Variants in GREB1L observed in about 807,000 individuals in gnomAD.
The protein encoded by GREB1L is GREB1-like protein.
A neutral mutation model predicts 200.8 loss-of-function variants in GREB1L; 17 were observed. That is an observed-to-expected ratio of 0.08 (90% CI 0.06 to 0.13). The LOEUF is 0.13. GREB1L is among the 10% of genes least tolerant of loss of function. GREB1L has a pLI of 1.00. For synonymous variants in GREB1L, 789 were observed against 893.0 expected, an observed-to-expected ratio of 0.88 and a Z score of 2.08; for missense variants, 1,657 against 2,367.7, an observed-to-expected ratio of 0.70 and a Z score of 6.23.
chr18:21,439,734 G>C, intron 8 of GREB1L, 97 bp downstream of exon 8: 1 of 788,232 alleles, frequency 1.3e-6, no homozygotes, highest in Non-Finnish European at 2.2e-6. Flanking sequence ...ACACTCTAGA[G>C]TTTTTTCTCA....
chr18:21,357,845 C>CT (rs1250025093), intron 1 of GREB1L, among the ~76,000 whole-genome samples: 6 of 152,154 alleles, frequency 3.9e-5, no homozygotes, highest in Admixed American at 3.9e-4. Flanking sequence ...CAGTACCATG[C>CT]TTTTTTGATT....
At position 21,517,087 on chromosome 18, in the gene GREB1L, T is replaced by G. The variant is rs896537955; in HGVS notation, c.5271+333T>G. On this transcript the variant is annotated intron_variant, in intron 30 of 32. Transcript: ENST00000424526. Reference sequence around the variant, plus strand: ...TGGGGTTTCACCATGTTGGCCAGGCTGGTCTTGAACTCCTGACCTCAAGTG... The same window carrying G: ...TGGGGTTTCACCATGTTGGCCAGGCGGGTCTTGAACTCCTGACCTCAAGTG... 2.0e-5 allele frequency among the ~76,000 whole-genome samples: 3 copies of G among 152,148 alleles called. No individual in the cohort carries two copies. In the East Asian group the frequency reaches 5.8e-4, roughly 29 times the overall value.
At chr18:21,326,394 G>A (rs1475677057) in intron 1 of GREB1L, among the ~76,000 whole-genome samples, 1 of 152,096 alleles carries the variant, frequency 6.6e-6, no homozygotes, top group African/African-American at 2.4e-5. Context: ...AAGTCCCAAG[G>A]GAGGCAATCT....
At chr18:21,486,523 A>G (rs1404825296) in intron 18 of GREB1L, among the ~76,000 whole-genome samples, 1 of 152,182 alleles carries the variant, frequency 6.6e-6, no homozygotes, top group Non-Finnish European at 1.5e-5. Flanking sequence ...ATACACTGGA[A>G]GAAATTAAAG....
chr18:21,359,442 T>G (rs1309747674), intron 1 of GREB1L, among the ~76,000 whole-genome samples: 1 of 152,022 alleles, frequency 6.6e-6, no homozygotes, highest in African/African-American at 2.4e-5. Flanking sequence ...AGGATGAGAC[T>G]CCATCTCAAA....
At chr18:21,505,974 CCT>C (rs1205416246) in intron 25 of GREB1L, 25 bp downstream of exon 25, 55 of 1,542,502 alleles carry the variant, frequency 3.6e-5, no homozygotes, top group Non-Finnish European at 4.5e-5. Flanking sequence ...TCGCCCTCGC[CCT>C]CTGTCACCCA....
rs955538461 is a variant in GREB1L, at chr18:21,524,026, G to C, written c.*1205G>C. 6 of 152,164 alleles carry C rather than the reference G, an allele frequency of 3.9e-5. No homozygotes were observed. Among genetic ancestry groups the C allele is most frequent in the Non-Finnish European group, 5.9e-5 (4 of 68,032 alleles). The allele number at this position is 152,164 out of a possible 1,614,324, so 9.4% of individuals were successfully genotyped here. A position where few individuals can be genotyped will look rare whatever the true frequency, so the allele number is the denominator to read the frequency against. On this transcript the variant is annotated 3_prime_UTR_variant, in exon 33 of 33. Transcript: ENST00000424526. ...TAATCAAAAACATTATTTTTAGAAA[G>C]TGTTCTAGATAAAACTAAGTCTTAG...
At chr18:21,292,596 G>A (rs2038467119) in intron 1 of GREB1L, among the ~76,000 whole-genome samples, 1 of 152,154 alleles carries the variant, frequency 6.6e-6, no homozygotes, top group Admixed American at 6.5e-5. Context: ...TGTTTCATTG[G>A]AATTATATCA....
chr18:21,368,551 CT>C (rs1351774807), intron 2 of GREB1L, among the ~76,000 whole-genome samples: 3 of 152,158 alleles, frequency 2.0e-5, no homozygotes, highest in Non-Finnish European at 4.4e-5. Context: ...TACTTACTCT[CT>C]GAATTACCAG....
At chr18:21,274,331 T>C (rs1341553280) in intron 1 of GREB1L, among the ~76,000 whole-genome samples, 1 of 152,202 alleles carries the variant, frequency 6.6e-6, no homozygotes, top group East Asian at 1.9e-4. Flanking sequence ...TTTCAACATA[T>C]GAATTTTGGA....
chr18:21,516,358 T>C (rs2037417418), intron 29 of GREB1L, among the ~76,000 whole-genome samples: 1 of 152,176 alleles, frequency 6.6e-6, no homozygotes, highest in Non-Finnish European at 1.5e-5. Flanking sequence ...AGGAATATAG[T>C]CCTGTTTTTG....
chr18:21,312,374 T>C (rs1380194052), intron 1 of GREB1L, among the ~76,000 whole-genome samples: 1 of 152,186 alleles, frequency 6.6e-6, no homozygotes, highest in Non-Finnish European at 1.5e-5. Flanking sequence ...ATGGCAGTTC[T>C]GTTTTTAGCT....
At position 21,331,368 on chromosome 18, in the gene GREB1L, G is replaced by A. The variant is rs368102577; in HGVS notation, c.-119-34659G>A. On this transcript the variant is annotated intron_variant, in intron 1 of 32. Coordinates refer to ENST00000424526, the MANE Select transcript of GREB1L (RefSeq NM_001142966.3). The stretch of plus-strand genomic sequence containing the variant: ...CAATCTTCTGTCTTGAGAGGAAATC[G>A]GAGAAATCCCTTTAAGGAATTTCTT... 1.6e-4 allele frequency among the ~76,000 whole-genome samples: 24 copies of A among 152,254 alleles called. No individual in the cohort carries two copies. The East Asian group carries it at 2.3e-3, about 15-fold the overall frequency.
At chr18:21,388,637 C>T (rs868207299) in intron 4 of GREB1L, among the ~76,000 whole-genome samples, 6 of 147,958 alleles carry the variant, frequency 4.1e-5, no homozygotes, top group Middle Eastern at 6.9e-3. Flanking sequence ...CTCCGCCTCC[C>T]GGGTTCACAC....
chr18:21,412,928 T>C (rs750084383), intron 7 of GREB1L, among the ~76,000 whole-genome samples: 2 of 152,128 alleles, frequency 1.3e-5, no homozygotes, highest in African/African-American at 4.8e-5. Context: ...GCAGGGATGC[T>C]ATGGTGTAAT....
chr18:21,342,439 A>G (rs1216619760), intron 1 of GREB1L, among the ~76,000 whole-genome samples: 2 of 152,146 alleles, frequency 1.3e-5, no homozygotes, highest in Non-Finnish European at 2.9e-5. Context: ...CAATTTCTTA[A>G]TGTGCCAAAA....
chr18:21,505,518 C>T lies in GREB1L; in HGVS notation c.4179C>T (p.Tyr1393=). ...PFDVSVHDPK[Y]SLMSLVYTEK... is the part of the protein sequence containing the mutation. The stretch of plus-strand genomic sequence containing the variant: ...ATGTCAGTGTGCATGACCCCAAGTA[C>T]AGTTTGATGAGCCTGGTGTATACTG... The change falls in exon 24 of 33, where the codon TAC becomes TAT. Residue 1393 remains tyrosine, a synonymous_variant. Transcript: ENST00000424526. 6.4e-7 allele frequency: 1 copy of T among 1,551,796 alleles called. No individual in the cohort carries two copies. Among genetic ancestry groups the T allele is most frequent in the Non-Finnish European group, 8.7e-7 (1 of 1,147,012 alleles).
intron 1 of GREB1L, among the ~76,000 whole-genome samples, chr18:21,343,223 G>A (rs2039293651): frequency 6.6e-6 from 1 of 152,044 alleles, no homozygotes; most frequent in Non-Finnish European, 1.5e-5. Context: ...TACTATCATA[G>A]TGAACTAAAG....
At chr18:21,254,194 C>T (rs1405545208) in intron 1 of GREB1L, among the ~76,000 whole-genome samples, 1 of 151,180 alleles carries the variant, frequency 6.6e-6, no homozygotes, top group African/African-American at 2.4e-5. Flanking sequence ...CTCAGCCTCC[C>T]GAATAGCTGG....
Sources: gnomAD v4.1 joint callset for allele counts (sites outside exome capture counted in the v4.1 genomes callset) on GRCh38, gnomAD v4.1.1 for gene constraint, MANE v1.5 for transcripts, NCBI Gene and HGNC (gene_info 2026-07-23, HGNC 2026-07-21) for gene names.